The following GTF3C1 variants were observed in gnomAD, a reference collection of about 807,000 sequenced individuals.
GTF3C1 encodes the protein general transcription factor 3C polypeptide 1.
GTF3C1 carries 57 observed loss-of-function variants against 226.7 expected under a neutral mutation model. The ratio of observed to expected loss-of-function variants is 0.25; its 90% CI spans 0.20 to 0.31. The LOEUF (loss-of-function observed/expected upper bound fraction) is 0.31, where lower values mean the gene tolerates loss of function less well. Ranked by LOEUF, GTF3C1 falls within the 10% of genes least tolerant of loss-of-function variation. GTF3C1 has a pLI of 1.00. For synonymous variants in GTF3C1, 1,090 were observed against 1,084.8 expected, an observed-to-expected ratio of 1.00 and a Z score of -0.09; for missense variants, 2,217 against 2,776.1, an observed-to-expected ratio of 0.80 and a Z score of 4.53.
rs1287513434 is a variant in GTF3C1, at chr16:27,476,448, C to G, written c.4353+3G>C. Reference sequence around the variant, plus strand: ...GCTGTGCTGCCGGGCAGCCGACACCCACCTGGAATGACTGGTAGGACTTCA... The same window carrying G: ...GCTGTGCTGCCGGGCAGCCGACACCGACCTGGAATGACTGGTAGGACTTCA... On this transcript the variant is annotated splice_donor_region_variant and intron_variant, in intron 29 of 36. Coordinates refer to ENST00000356183, the MANE Select transcript of GTF3C1 (RefSeq NM_001520.4). The G allele has an allele frequency of 1.9e-5, 30 of 1,593,966 alleles. No individual in the cohort carries two copies. Among genetic ancestry groups the G allele is most frequent in the Non-Finnish European group, 2.5e-5 (29 of 1,161,812 alleles).
At chr16:27,467,120 G>C (rs530704982) in intron 32 of GTF3C1, among the ~76,000 whole-genome samples, 2 of 152,368 alleles carry the variant, frequency 1.3e-5, no homozygotes, top group South Asian at 4.1e-4. Flanking sequence ...CTTTATGTTG[G>C]AAGATGCCAT....
At chr16:27,499,725 T>C (rs1208401571) in intron 12 of GTF3C1, among the ~76,000 whole-genome samples, 2 of 152,066 alleles carry the variant, frequency 1.3e-5, no homozygotes, top group African/African-American at 4.8e-5. Context: ...TTCAGAGAAT[T>C]CAAAGGCAAG....
intron 4 of GTF3C1, among the ~76,000 whole-genome samples, chr16:27,535,918 C>T (rs1270475329): frequency 6.6e-6 from 1 of 152,092 alleles, no homozygotes; most frequent in African/African-American, 2.4e-5. Context: ...TACCATAAAC[C>T]TTGACTAACA....
chr16:27,465,594 T>C, intron 32 of GTF3C1, 54 bp from the exon 33 acceptor site: 1 of 1,408,340 alleles, frequency 7.1e-7, no homozygotes, highest in Non-Finnish European at 9.7e-7. Flanking sequence ...CCCCCTCCCC[T>C]GACCAATGCA....
chr16:27,463,964 G>A lies in GTF3C1; in HGVS notation c.5872+356C>T. On this transcript the variant is annotated intron_variant, in intron 34 of 36. Transcript: ENST00000356183. The surrounding 1 kb of genome is among the most constrained non-coding windows in gnomAD (Gnocchi z 4.9). Reference sequence around the variant, plus strand: ...GAAGCCACATGAGAAGGCCGCTGCTGATGACAGACGTGCAGGAAAGGAAAG... The same window carrying A: ...GAAGCCACATGAGAAGGCCGCTGCTAATGACAGACGTGCAGGAAAGGAAAG... 4.7e-6 allele frequency: 2 copies of A among 424,402 alleles called. 1 individual carries two copies. The highest frequency in any genetic ancestry group is 9.3e-5 in the East Asian group (2 of 21,556). 26.3% of individuals were successfully genotyped at this position (424,402 alleles called of 1,614,324 possible). A position where few individuals can be genotyped will look rare whatever the true frequency, so the allele number is the denominator to read the frequency against.
At chr16:27,510,779 C>T (rs1454205657) in intron 7 of GTF3C1, among the ~76,000 whole-genome samples, 2 of 152,164 alleles carry the variant, frequency 1.3e-5, no homozygotes, top group South Asian at 2.1e-4. Flanking sequence ...ATGTCCCACA[C>T]AGAAGTTAGG....
Position 27,537,935 on chromosome 16 carries a change from A to T in GTF3C1, c.609-8T>A. Reference sequence around the variant, plus strand: ...AGCTTCCCAGCATCAACCCTGGAGGAAAAGAGGAGCCATGTCATTTGCTTT... The same window carrying T: ...AGCTTCCCAGCATCAACCCTGGAGGTAAAGAGGAGCCATGTCATTTGCTTT... On this transcript the variant is annotated splice_polypyrimidine_tract_variant and splice_region_variant and intron_variant, in intron 3 of 36. Transcript: ENST00000356183. The T allele has an allele frequency of 6.2e-7, 1 of 1,612,732 alleles. No individual in the cohort carries two copies. Among genetic ancestry groups the T allele is most frequent in the Non-Finnish European group, 8.5e-7 (1 of 1,179,458 alleles).
At position 27,496,412 on chromosome 16, in the gene GTF3C1, T is replaced by C. The variant is rs916161788; in HGVS notation, c.2351-920A>G. Among the ~76,000 whole-genome samples the C allele has an allele frequency of 5.9e-5, 9 of 152,226 alleles. No individual in the cohort carries two copies. The South Asian group carries it at 1.9e-3, about 32-fold the overall frequency. On this transcript the variant is annotated intron_variant, in intron 14 of 36. Coordinates refer to ENST00000356183, the MANE Select transcript of GTF3C1 (RefSeq NM_001520.4). Reference sequence around the variant, plus strand: ...ATTCCATAATCTCAGTTTTTGTTGTTTATTGTTGTTGTTGTTTTGAAACAG... The same window carrying C: ...ATTCCATAATCTCAGTTTTTGTTGTCTATTGTTGTTGTTGTTTTGAAACAG...
Position 27,479,318 on chromosome 16 carries a change from A to AT in GTF3C1, c.4197-788dup, listed in dbSNP as rs34141031. 2.3e-3 allele frequency among the ~76,000 whole-genome samples: 350 copies of AT among 149,752 alleles called. 3 individuals carry two copies. Among genetic ancestry groups the AT allele is most frequent in the African/African-American group, 7.6e-3 (312 of 40,948 alleles). On this transcript the variant is annotated intron_variant, in intron 27 of 36. Coordinates refer to ENST00000356183, the MANE Select transcript of GTF3C1 (RefSeq NM_001520.4). ...TGTTGGAATTACAAACCATTTCCCCATTTTTTTTTTGAGTTTCATGTAATA... is the reference window on the plus strand; with the variant it reads ...TGTTGGAATTACAAACCATTTCCCCATTTTTTTTTTTGAGTTTCATGTAATA...
Position 27,471,520 on chromosome 16 carries a change from G to A in GTF3C1, c.4526+228C>T, listed in dbSNP as rs2087869677. ...CGAGAGAAACGGAAACAAACCACCT[G>A]CAAAATGGTAACGCCGCCAACACAA... is the stretch of plus-strand genomic sequence containing the variant. On this transcript the variant is annotated intron_variant, in intron 30 of 36. Transcript: ENST00000356183. This position sits in a 1 kb window ranked among gnomAD's most constrained non-coding sequence, Gnocchi z 5.0. 3.9e-6 allele frequency: 2 copies of A among 510,002 alleles called. No individual in the cohort carries two copies. The highest frequency in any genetic ancestry group is 7.0e-6 in the Non-Finnish European group (2 of 285,436). 31.6% of individuals were successfully genotyped at this position (510,002 alleles called of 1,614,324 possible). A position where few individuals can be genotyped will look rare whatever the true frequency, so the allele number is the denominator to read the frequency against.
In GTF3C1 at chr16:27,461,617, T is replaced by A; in HGVS notation, c.6118-55A>T. The A allele has an allele frequency of 1.5e-6, 2 of 1,325,290 alleles. No individual in the cohort carries two copies. The highest frequency in any genetic ancestry group is 2.2e-6 in the Non-Finnish European group (2 of 925,896). The allele number at this position is 1,325,290 out of a possible 1,614,324, so 82.1% of individuals were successfully genotyped here. Reference sequence around the variant, plus strand: ...GGCACTGCCCTCGCCTGCTTGTTGATTTATTCTTCAAGCATTTATGGAATG... The same window carrying A: ...GGCACTGCCCTCGCCTGCTTGTTGAATTATTCTTCAAGCATTTATGGAATG... On this transcript the variant is annotated intron_variant, in intron 36 of 36. Coordinates refer to ENST00000356183, the MANE Select transcript of GTF3C1 (RefSeq NM_001520.4). This position sits in a 1 kb window ranked among gnomAD's most constrained non-coding sequence, Gnocchi z 5.3.
intron 6 of GTF3C1, among the ~76,000 whole-genome samples, chr16:27,524,806 T>G (rs992584990): frequency 6.6e-6 from 1 of 152,224 alleles, no homozygotes; most frequent in East Asian, 1.9e-4. Context: ...TAAAAATGAT[T>G]AACAGCTCCA....
chr16:27,497,567 G>A, intron 14 of GTF3C1, 70 bp downstream of exon 14: 1 of 1,287,576 alleles, frequency 7.8e-7, no homozygotes. Context: ...AGAGGACCAA[G>A]TGCCTCAAAC....
chr16:27,497,280 G>A (rs905661168), intron 14 of GTF3C1, among the ~76,000 whole-genome samples: 30 of 152,216 alleles, frequency 2.0e-4, no homozygotes, highest in African/African-American at 7.0e-4. Context: ...GTGCTGCCAG[G>A]GGATTTGTCG....
intron 5 of GTF3C1, among the ~76,000 whole-genome samples, chr16:27,531,936 A>T (rs1335763055): frequency 6.6e-6 from 1 of 152,132 alleles, no homozygotes; most frequent in Non-Finnish European, 1.5e-5. Flanking sequence ...GAGAAGCAAA[A>T]CACTTCTCCC....
intron 6 of GTF3C1, among the ~76,000 whole-genome samples, chr16:27,519,068 G>A (rs1381304435): frequency 6.6e-6 from 1 of 152,208 alleles, no homozygotes; most frequent in African/African-American, 2.4e-5. Flanking sequence ...TTGGAAATGA[G>A]AAAGAGACAG....
chr16:27,522,391 CACCTTTGCCGAGAATCATTTGACCAT>C (rs1353166422), intron 6 of GTF3C1, among the ~76,000 whole-genome samples: 1 of 152,258 alleles, frequency 6.6e-6, no homozygotes, highest in Non-Finnish European at 1.5e-5. Context: ...ATGGTCTTGG[CACCTTTGCCGAGAATCATTTGACCAT>C]AGATGTGTGA....
intron 5 of GTF3C1, among the ~76,000 whole-genome samples, chr16:27,532,618 C>T (rs1455763379): frequency 1.3e-5 from 2 of 152,212 alleles, no homozygotes; most frequent in Non-Finnish European, 2.9e-5. Context: ...CAACAGCTGC[C>T]TTCCTCCCTG....
At chr16:27,480,193 C>T (rs1222872577) in intron 27 of GTF3C1, among the ~76,000 whole-genome samples, 1 of 132,870 alleles carries the variant, frequency 7.5e-6, no homozygotes. Flanking sequence ...CGGGGTGAGA[C>T]TCCATCTCAA....
Sources: allele counts gnomAD v4.1 joint callset (sites outside exome capture counted in the v4.1 genomes callset), GRCh38; gene constraint gnomAD v4.1.1; non-coding constraint Gnocchi (gnomAD v3.1); transcripts MANE v1.5; gene names NCBI Gene and HGNC (gene_info 2026-07-23, HGNC 2026-07-21).